The following KCNK9 variants were observed in gnomAD, a reference collection of about 807,000 sequenced individuals.
KCNK9 encodes the protein potassium two pore domain channel subfamily K member 9.
A neutral mutation model predicts 10.8 loss-of-function variants in KCNK9; 1 was observed. The observed-to-expected ratio is 0.09, with a 90% CI of 0.03 to 0.44. KCNK9 has a LOEUF of 0.44. KCNK9 is among the 20% of genes least tolerant of loss of function. The pLI, the probability that KCNK9 is intolerant of heterozygous loss-of-function variation, is 0.97. For missense variants in KCNK9, 303 were observed against 515.0 expected, an observed-to-expected ratio of 0.59 and a Z score of 3.98; for synonymous variants, 231 against 222.7, an observed-to-expected ratio of 1.04 and a Z score of -0.33.
chr8:139,664,060 A>G lies in KCNK9; in HGVS notation c.283+38650T>C, dbSNP rs189623167. Among the ~76,000 whole-genome samples the G allele has an allele frequency of 1.6e-3, 237 of 152,254 alleles. 3 individuals are homozygous for G. Among genetic ancestry groups the G allele is most frequent in the Admixed American group, 0.015 (223 of 15,292 alleles). ...GAGGAAACGGGAGCAGGGACCGATCAAGCCGCCTGCCCAAGGCCATACACT... is the reference window on the plus strand; with the variant it reads ...GAGGAAACGGGAGCAGGGACCGATCGAGCCGCCTGCCCAAGGCCATACACT... On this transcript the variant is annotated intron_variant, in intron 1 of 1. Coordinates refer to ENST00000520439, the MANE Select transcript of KCNK9 (RefSeq NM_001282534.2).
rs566896498 is a variant in KCNK9 at position 139,663,964 on chromosome 8, G to T, written c.283+38746C>A. ...AGAAATTGCGAAATAACACATCGGG[G>T]CCTGACACTCTGTGCCAAGTCCCTG... On this transcript the variant is annotated intron_variant, in intron 1 of 1. Coordinates refer to ENST00000520439, the MANE Select transcript of KCNK9 (RefSeq NM_001282534.2). 1.8e-4 allele frequency among the ~76,000 whole-genome samples: 28 copies of T among 152,322 alleles called. No individual in the cohort carries two copies. The South Asian group carries it at 5.4e-3, about 29-fold the overall frequency.
intron 1 of KCNK9, among the ~76,000 whole-genome samples, chr8:139,691,471 A>T (rs1489030363): frequency 6.6e-6 from 1 of 152,242 alleles, no homozygotes; most frequent in African/African-American, 2.4e-5. Flanking sequence ...GTTGATGGGA[A>T]CAACATAGTA....
At chr8:139,614,927 G>A (rs1048436464), downstream of KCNK9, among the ~76,000 whole-genome samples, 1 of 152,160 alleles carries the variant, frequency 6.6e-6, no homozygotes, top group African/African-American at 2.4e-5. Context: ...GGCTCACCTT[G>A]GGTGATTCTG....
intron 2 of KCNK9, among the ~76,000 whole-genome samples, chr8:139,602,727 CAA>C (rs887229793): frequency 2.0e-5 from 3 of 152,182 alleles, no homozygotes; most frequent in African/African-American, 7.2e-5. Context: ...CATTATAAAA[CAA>C]AGAAGTTCTG....
chr8:139,606,746 T>C (rs1475866885), intron 2 of KCNK9, among the ~76,000 whole-genome samples: 2 of 152,252 alleles, frequency 1.3e-5, no homozygotes, highest in Non-Finnish European at 2.9e-5. Context: ...ATCTTTGATA[T>C]CTCTGTCCCG....
intron 1 of KCNK9, among the ~76,000 whole-genome samples, chr8:139,671,236 C>A (rs541593224): frequency 2.9e-4 from 44 of 152,368 alleles, no homozygotes; most frequent in African/African-American, 1.0e-3. Context: ...GCTTCTGTGG[C>A]AGCGGGCACA....
At chr8:139,644,722 C>G (rs1990899) in intron 1 of KCNK9, among the ~76,000 whole-genome samples, 2 of 144,728 alleles carry the variant, frequency 1.4e-5, no homozygotes, top group African/African-American at 5.2e-5. Flanking sequence ...CTGTCCCCCC[C>G]CCCCAGAGCC....
chr8:139,681,058 G>A (rs1228459057), intron 1 of KCNK9, among the ~76,000 whole-genome samples: 1 of 152,176 alleles, frequency 6.6e-6, no homozygotes, highest in Non-Finnish European at 1.5e-5. Context: ...ACAGCATCTA[G>A]CATGGCACAG....
At position 139,687,559 on chromosome 8, in the gene KCNK9, T is replaced by C. The variant is rs1816834970; in HGVS notation, c.283+15151A>G. Among the ~76,000 whole-genome samples the C allele has an allele frequency of 1.6e-5, 2 of 127,016 alleles. 1 individual carries two copies. The allele number at this position is 127,016 out of a possible 152,430, so 83.3% of individuals were successfully genotyped here. A position where few individuals can be genotyped will look rare whatever the true frequency, so the allele number is the denominator to read the frequency against. On this transcript the variant is annotated intron_variant, in intron 1 of 1. Coordinates refer to ENST00000520439, the MANE Select transcript of KCNK9 (RefSeq NM_001282534.2). The stretch of plus-strand genomic sequence containing the variant: ...GTATACACATATATTCATATATATG[T>C]ATACATATATTCATATATATGTATA...
At chr8:139,675,167 C>T (rs950412351) in intron 1 of KCNK9, among the ~76,000 whole-genome samples, 2 of 152,248 alleles carry the variant, frequency 1.3e-5, no homozygotes, top group Non-Finnish European at 2.9e-5. Context: ...AGGTCCACAG[C>T]AGGCCCTACT....
intron 1 of KCNK9, among the ~76,000 whole-genome samples, chr8:139,658,579 C>T (rs1167301739): frequency 6.6e-6 from 1 of 152,216 alleles, no homozygotes; most frequent in Non-Finnish European, 1.5e-5. Context: ...AAAGATACCA[C>T]GGAGGGGAGA....
At chr8:139,697,577 A>G (rs1177887418) in intron 1 of KCNK9, among the ~76,000 whole-genome samples, 1 of 152,024 alleles carries the variant, frequency 6.6e-6, no homozygotes, top group Non-Finnish European at 1.5e-5. Flanking sequence ...TAACCGCTGC[A>G]TGGAGGAAGA....
intron 1 of KCNK9, among the ~76,000 whole-genome samples, chr8:139,631,873 T>C (rs1215285776): frequency 6.6e-6 from 1 of 152,206 alleles, no homozygotes; most frequent in Non-Finnish European, 1.5e-5. Context: ...TCCTGTTTTG[T>C]TTCTGCTGGA....
chr8:139,623,018 G>A (rs1018367889), intron 1 of KCNK9, among the ~76,000 whole-genome samples: 29 of 152,192 alleles, frequency 1.9e-4, no homozygotes, highest in Non-Finnish European at 3.5e-4. Flanking sequence ...CAGTGTGTGC[G>A]CCTGTAGAAC....
intron 1 of KCNK9, among the ~76,000 whole-genome samples, chr8:139,696,020 G>C (rs1430033373): frequency 6.6e-6 from 1 of 152,128 alleles, no homozygotes. Context: ...CCACGTTCCA[G>C]TTTCTAAATG....
chr8:139,662,137 C>T (rs1050685679), intron 1 of KCNK9, among the ~76,000 whole-genome samples: 1 of 152,192 alleles, frequency 6.6e-6, no homozygotes, highest in African/African-American at 2.4e-5. Flanking sequence ...TGGGGAGGAT[C>T]CTGTAGCCGC....
chr8:139,602,321 G>A (rs944344080), intron 2 of KCNK9, among the ~76,000 whole-genome samples: 41 of 152,194 alleles, frequency 2.7e-4, no homozygotes, highest in African/African-American at 9.2e-4. Context: ...CGGGGAAAAC[G>A]GATTGATCAG....
intron 1 of KCNK9, among the ~76,000 whole-genome samples, chr8:139,654,400 C>T (rs2129684373): frequency 6.6e-6 from 1 of 152,274 alleles, no homozygotes; most frequent in South Asian, 2.1e-4. Flanking sequence ...CTCCCAAGGA[C>T]CACAGCCAAT....
At chr8:139,629,485 G>A (rs902553586) in intron 1 of KCNK9, among the ~76,000 whole-genome samples, 2 of 152,210 alleles carry the variant, frequency 1.3e-5, no homozygotes, top group Non-Finnish European at 2.9e-5. Flanking sequence ...CTAAACAAAC[G>A]TGGTCCATGT....
Sources: allele counts gnomAD v4.1 joint callset (sites outside exome capture counted in the v4.1 genomes callset), GRCh38; gene constraint gnomAD v4.1.1; transcripts MANE v1.5; gene names NCBI Gene and HGNC (gene_info 2026-07-23, HGNC 2026-07-21).